Variants in CCDC178 observed in about 807,000 individuals in gnomAD.
The protein encoded by CCDC178 is coiled-coil domain-containing protein 178.
A neutral mutation model predicts 117.4 loss-of-function variants in CCDC178; 126 were observed. The ratio of observed to expected loss-of-function variants is 1.07; its 90% CI spans 0.93 to 1.24. The LOEUF is 1.24. Ranked by LOEUF, CCDC178 falls within the 50% of genes most tolerant of loss-of-function variation. CCDC178 has a pLI of 0.00. For synonymous variants in CCDC178, 283 were observed against 313.4 expected (o/e 0.90, Z 1.02); for missense variants, 1,030 against 986.9 (o/e 1.04, Z -0.59).
intron 9 of CCDC178, among the ~76,000 whole-genome samples, chr18:33,344,132 G>A (rs916736301): frequency 6.7e-6 from 1 of 150,298 alleles, no homozygotes; most frequent in African/African-American, 2.4e-5. Flanking sequence ...GCGAAACCCC[G>A]TCTCTACTAA....
chr18:32,971,666 C>T (rs2054928202), intron 22 of CCDC178, among the ~76,000 whole-genome samples: 1 of 152,114 alleles, frequency 6.6e-6, no homozygotes, highest in Admixed American at 6.6e-5. Context: ...CCTATTTCTC[C>T]ACAACCTCGC....
At chr18:33,032,861 C>T (rs2056371642) in intron 21 of CCDC178, among the ~76,000 whole-genome samples, 1 of 152,064 alleles carries the variant, frequency 6.6e-6, no homozygotes, top group South Asian at 2.1e-4. Context: ...GGAAATCTGA[C>T]ACCCTTAATT....
At chr18:33,130,065 A>C (rs72943344) in intron 20 of CCDC178, among the ~76,000 whole-genome samples, 4,587 of 152,022 alleles carry the variant, frequency 0.03, 95 homozygotes, top group East Asian at 0.11. Context: ...TGGCAGTGTA[A>C]TATATAACTT....
At chr18:33,409,376 C>T (rs192881773) in intron 3 of CCDC178, among the ~76,000 whole-genome samples, 27 of 152,248 alleles carry the variant, frequency 1.8e-4, no homozygotes, top group African/African-American at 6.3e-4. Flanking sequence ...TGAGCCACTG[C>T]GCCTGGCCCC....
At chr18:32,951,685 T>C (rs556226576) in intron 22 of CCDC178, among the ~76,000 whole-genome samples, 24 of 152,156 alleles carry the variant, frequency 1.6e-4, no homozygotes, top group Non-Finnish European at 2.4e-4. Flanking sequence ...CAAAACACAA[T>C]AATGCCTTTC....
intron 2 of CCDC178, among the ~76,000 whole-genome samples, chr18:33,429,384 G>A (rs2144962322): frequency 6.6e-6 from 1 of 152,178 alleles, no homozygotes; most frequent in South Asian, 2.1e-4. Flanking sequence ...GACAGAGAGA[G>A]AGAGAGAGCA....
chr18:33,131,734 C>A (rs1011606799), intron 20 of CCDC178, among the ~76,000 whole-genome samples: 2 of 151,630 alleles, frequency 1.3e-5, no homozygotes, highest in African/African-American at 4.8e-5. Flanking sequence ...ATTACTTAAC[C>A]TTACTGAGCT....
chr18:33,155,553 C>T (rs2058384064), intron 20 of CCDC178, among the ~76,000 whole-genome samples: 3 of 152,026 alleles, frequency 2.0e-5, no homozygotes, highest in African/African-American at 7.2e-5. Context: ...AGGTGCATTA[C>T]TTTCTGGTGG....
chr18:33,317,884 A>G (rs1437162246), intron 11 of CCDC178, among the ~76,000 whole-genome samples: 2 of 152,180 alleles, frequency 1.3e-5, no homozygotes, highest in Admixed American at 6.5e-5. Context: ...AAGCCAAGAT[A>G]GCCAACCAAA....
chr18:33,137,948 C>T (rs556320061), intron 20 of CCDC178, among the ~76,000 whole-genome samples: 46 of 152,212 alleles, frequency 3.0e-4, no homozygotes, highest in East Asian at 1.3e-3. Context: ...GTGGACAAGG[C>T]GAACATTTAG....
intron 20 of CCDC178, among the ~76,000 whole-genome samples, chr18:33,100,987 A>C (rs1441380679): frequency 1.3e-5 from 2 of 152,016 alleles, no homozygotes; most frequent in Non-Finnish European, 2.9e-5. Context: ...GACATTATTT[A>C]AATGGTTACA....
intron 20 of CCDC178, among the ~76,000 whole-genome samples, chr18:33,203,935 CA>C (rs1306482658): frequency 6.6e-6 from 1 of 152,106 alleles, no homozygotes; most frequent in African/African-American, 2.4e-5. Context: ...CGTGGATTTT[CA>C]ATGAGGTCTA....
At chr18:33,410,374 G>A (rs2063833868) in intron 3 of CCDC178, among the ~76,000 whole-genome samples, 1 of 152,010 alleles carries the variant, frequency 6.6e-6, no homozygotes, top group East Asian at 1.9e-4. Flanking sequence ...CTGAGATTGG[G>A]ATCAATTTCC....
At chr18:33,304,662 TA>T (rs2062224559) in intron 11 of CCDC178, among the ~76,000 whole-genome samples, 1 of 152,146 alleles carries the variant, frequency 6.6e-6, no homozygotes, top group Non-Finnish European at 1.5e-5. Context: ...GATGCCTGGA[TA>T]AAAAGTTCCC....
At chr18:32,963,181 G>A (rs1057337480) in intron 22 of CCDC178, among the ~76,000 whole-genome samples, 1 of 151,964 alleles carries the variant, frequency 6.6e-6, no homozygotes, top group Non-Finnish European at 1.5e-5. Flanking sequence ...CATAGTAATG[G>A]CTAGATAAAT....
chr18:33,322,310 G>C lies in CCDC178; in HGVS notation c.1022+1181C>G, dbSNP rs972007081. ...CATTTAATAGGTCTGTATTGAGTCT[G>C]ATTTTCTGAAATTTGAATGAACACC... On this transcript the variant is annotated intron_variant, in intron 11 of 22. Coordinates refer to ENST00000383096, the MANE Select transcript of CCDC178 (RefSeq NM_001105528.4). Among the ~76,000 whole-genome samples, 3 of 151,882 alleles carry C rather than the reference G, an allele frequency of 2.0e-5. No homozygotes were observed. The East Asian group carries it at 5.8e-4, about 29-fold the overall frequency.
intron 20 of CCDC178, among the ~76,000 whole-genome samples, chr18:33,195,251 T>C (rs2058917837): frequency 6.6e-6 from 1 of 152,124 alleles, no homozygotes; most frequent in Non-Finnish European, 1.5e-5. Context: ...TGAATCTATA[T>C]GATCTACTAC....
chr18:33,425,718 G>C (rs2064113511), intron 2 of CCDC178, among the ~76,000 whole-genome samples: 2 of 152,132 alleles, frequency 1.3e-5, no homozygotes, highest in African/African-American at 4.8e-5. Context: ...ATTCATGGAT[G>C]GGGTGAGGAT....
At chr18:33,410,688 TC>T (rs1344180840) in intron 3 of CCDC178, among the ~76,000 whole-genome samples, 1 of 152,146 alleles carries the variant, frequency 6.6e-6, no homozygotes, top group East Asian at 1.9e-4. Context: ...AATTTTCTCC[TC>T]CCCGTATTCA....
Sources: allele counts gnomAD v4.1 joint callset (sites outside exome capture counted in the v4.1 genomes callset), GRCh38; gene constraint gnomAD v4.1.1; transcripts MANE v1.5; gene names NCBI Gene and HGNC (gene_info 2026-07-23, HGNC 2026-07-21).